The following ZMYND12 variants were observed in gnomAD, a reference collection of about 807,000 sequenced individuals.
ZMYND12 encodes the protein zinc finger MYND-type containing 12.
In ZMYND12, 32 loss-of-function variants were observed where a neutral mutation model predicts 41.7. The ratio of observed to expected loss-of-function variants is 0.77; its 90% CI spans 0.58 to 1.03. The LOEUF is 1.03. ZMYND12 is among the 50% of genes least tolerant of loss of function. The pLI is 0.00. For synonymous variants in ZMYND12, 148 were observed against 164.8 expected (o/e 0.90, Z 0.78); for missense variants, 424 against 438.5 (o/e 0.97, Z 0.30).
At chr1:42,454,413 G>C (rs540452091) in intron 1 of ZMYND12, among the ~76,000 whole-genome samples, 11 of 152,338 alleles carry the variant, frequency 7.2e-5, no homozygotes. Context: ...TGTTAGGATA[G>C]GGGACATACT....
At chr1:42,432,141 C>T (rs1293339566) in intron 7 of ZMYND12, among the ~76,000 whole-genome samples, 2 of 151,288 alleles carry the variant, frequency 1.3e-5, no homozygotes, top group Admixed American at 6.6e-5. Flanking sequence ...ACTGCAGCCT[C>T]AATCTCCTGG....
chr1:42,450,596 T>C (rs148220342), intron 1 of ZMYND12, among the ~76,000 whole-genome samples: 98 of 152,326 alleles, frequency 6.4e-4, no homozygotes, highest in African/African-American at 2.2e-3. Flanking sequence ...CACAGGGCTG[T>C]GCATAAAGGA....
Position 42,432,978 on chromosome 1 carries a change from C to T in ZMYND12, c.975+165G>A, listed in dbSNP as rs542530305. The T allele has an allele frequency of 3.5e-5, 27 of 781,470 alleles. 1 individual carries two copies. The South Asian group carries it at 4.5e-4, about 13-fold the overall frequency. 48.4% of individuals were successfully genotyped at this position (781,470 alleles called of 1,614,324 possible). On this transcript the variant is annotated intron_variant, in intron 7 of 7. Coordinates refer to ENST00000372565, the MANE Select transcript of ZMYND12 (RefSeq NM_032257.5). The stretch of plus-strand genomic sequence containing the variant: ...GACAATCCAATTTCCATTATGCAGG[C>T]TAGACTCAACACAGGAGAAACATCG...
At chr1:42,442,293 A>C (rs1467456232) in intron 3 of ZMYND12, among the ~76,000 whole-genome samples, 1 of 152,212 alleles carries the variant, frequency 6.6e-6, no homozygotes, top group Non-Finnish European at 1.5e-5. Flanking sequence ...AAGATGTCTG[A>C]AATAGTTCGG....
At chr1:42,434,427 G>A (rs1354067889) in intron 6 of ZMYND12, among the ~76,000 whole-genome samples, 1 of 152,154 alleles carries the variant, frequency 6.6e-6, no homozygotes, top group African/African-American at 2.4e-5. Flanking sequence ...TGGAGCAAGA[G>A]TCCCCAACCC....
In ZMYND12 at chr1:42,436,415, G is replaced by A. The variant is rs1642908071; in HGVS notation, c.717+6C>T. On this transcript the variant is annotated splice_donor_region_variant and intron_variant, in intron 5 of 7. Coordinates refer to ENST00000372565, the MANE Select transcript of ZMYND12 (RefSeq NM_032257.5). ...GAAGGCTCAGCTCCCACATTCCCCA[G>A]CTCACCTTGGTGTACAATGTGTCTG... The A allele has an allele frequency of 5.6e-6, 9 of 1,612,790 alleles. No homozygotes were observed. The highest frequency in any genetic ancestry group is 1.7e-5 in the Admixed American group (1 of 59,990).
At chr1:42,436,571 T>C in intron 4 of ZMYND12, 28 bp from the exon 5 acceptor site, 5 of 1,609,858 alleles carry the variant, frequency 3.1e-6, no homozygotes, top group Non-Finnish European at 4.2e-6. Flanking sequence ...AGGAGAGTGC[T>C]TGAGTTCCTT....
At position 42,436,495 on chromosome 1, in the gene ZMYND12, CT is replaced by C; in HGVS notation, c.642del (p.Gly215GlufsTer34). ...CAFGTEDIRT[S>X]GGYFHLANIF... ...ATATTAGCCAGGTGGAAGTAGCCTC[CT>C]GAAGTCCTAATGTCCTCTGTTCCAA... On this transcript the variant is annotated frameshift_variant, in exon 5 of 8. Transcript: ENST00000372565. LOFTEE classifies it high-confidence loss of function. 1 of 1,613,780 alleles carries C rather than the reference CT, an allele frequency of 6.2e-7. No individual in the cohort carries two copies. Among genetic ancestry groups the C allele is most frequent in the East Asian group, 2.2e-5 (1 of 44,868 alleles).
In ZMYND12 at chr1:42,449,948, C is replaced by T. The variant is rs1570356192; in HGVS notation, c.222G>A (p.Gln74=). 3.1e-6 allele frequency: 5 copies of T among 1,613,144 alleles called. No individual in the cohort carries two copies. The highest frequency in any genetic ancestry group is 3.4e-6 in the Non-Finnish European group (4 of 1,180,024). The change falls in exon 2 of 8, where the codon CAG becomes CAA. Residue 74 remains glutamine, a synonymous_variant. Transcript: ENST00000372565. ...GCTGCTGCAGCTGCTGCAGGCCATG[C>T]TGCCGTTCTTCCTCTGAATTGTAGA... ...MPFYNSEEER[Q]HGLQQLQQRQ... is the part of the protein sequence containing the mutation.
At chr1:42,431,973 C>A (rs1019792766) in intron 7 of ZMYND12, among the ~76,000 whole-genome samples, 2 of 151,974 alleles carry the variant, frequency 1.3e-5, no homozygotes, top group African/African-American at 4.8e-5. Context: ...GTCACCCACA[C>A]AAAAAGGGCT....
intron 3 of ZMYND12, 80 bp downstream of exon 3, chr1:42,448,387 G>A: frequency 7.1e-7 from 1 of 1,403,736 alleles, no homozygotes; most frequent in South Asian, 1.6e-5. Flanking sequence ...CCACTGTCAA[G>A]GGTGACTCTT....
intron 5 of ZMYND12, chr1:42,435,605 T>C: frequency 2.1e-6 from 1 of 476,748 alleles, no homozygotes; most frequent in Non-Finnish European, 3.8e-6. Context: ...CAGCTCATCT[T>C]GGGGTAGCCC....
intron 7 of ZMYND12, 99 bp downstream of exon 7, chr1:42,433,044 G>A: frequency 6.7e-7 from 1 of 1,497,764 alleles, no homozygotes; most frequent in Non-Finnish European, 9.1e-7. Flanking sequence ...TTGCTCTGAG[G>A]GCAAAAGCTA....
At chr1:42,444,378 G>T (rs939760690) in intron 3 of ZMYND12, among the ~76,000 whole-genome samples, 6 of 152,212 alleles carry the variant, frequency 3.9e-5, no homozygotes, top group Non-Finnish European at 8.8e-5. Context: ...AGATGGGAAA[G>T]AAACATGTGC....
chr1:42,454,955 A>G (rs1028346883), intron 1 of ZMYND12, among the ~76,000 whole-genome samples: 7 of 152,224 alleles, frequency 4.6e-5, no homozygotes, highest in African/African-American at 1.7e-4. Flanking sequence ...AAGTTTTAAG[A>G]AACAATTCAG....
chr1:42,440,578 G>A (rs1642958206), intron 3 of ZMYND12, among the ~76,000 whole-genome samples: 1 of 150,700 alleles, frequency 6.6e-6, no homozygotes, highest in African/African-American at 2.5e-5. Flanking sequence ...CTTTCTTTTA[G>A]GGGTGATGAA....
intron 4 of ZMYND12, among the ~76,000 whole-genome samples, chr1:42,439,342 T>C (rs541388372): frequency 1.2e-4 from 18 of 151,708 alleles, no homozygotes; most frequent in African/African-American, 4.4e-4. Context: ...CTCGGCTCAC[T>C]GCAACCTCCA....
rs1427189906 is a variant in ZMYND12, at chr1:42,430,767, A to G, written c.1067T>C (p.Leu356Pro). 3 of 1,614,184 alleles carry G rather than the reference A, an allele frequency of 1.9e-6. No homozygotes were observed. Among genetic ancestry groups the G allele is most frequent in the South Asian group, 1.1e-5 (1 of 91,082 alleles). The stretch of plus-strand genomic sequence containing the variant: ...AATGGGATGGTCTTCAGTTGAAATG[A>G]GACTTAATAACTCTTGAATGGTGCT... ...EQSTIQELLS[L>P]ISTEDHPIT is the part of the protein sequence containing the mutation. The change falls in exon 8 of 8, where the codon CTC (leucine) becomes CCC (proline). Residue 356 changes from leucine (L) to proline (P), a missense_variant. Transcript: ENST00000372565.
At chr1:42,445,244 G>C (rs1643011021) in intron 3 of ZMYND12, among the ~76,000 whole-genome samples, 1 of 151,610 alleles carries the variant, frequency 6.6e-6, no homozygotes, top group South Asian at 2.1e-4. Context: ...ACCAGCCTGG[G>C]CAACATACTG....
Sources: allele counts gnomAD v4.1 joint callset (sites outside exome capture counted in the v4.1 genomes callset), GRCh38; gene constraint gnomAD v4.1.1; transcripts MANE v1.5; gene names NCBI Gene and HGNC (gene_info 2026-07-23, HGNC 2026-07-21).